Variants in PDE4D observed in about 807,000 individuals in gnomAD.
The protein encoded by PDE4D is 3',5'-cyclic-AMP phosphodiesterase 4D.
PDE4D carries 24 observed loss-of-function variants against 87.4 expected under a neutral mutation model. The observed-to-expected ratio is 0.27, with a 90% CI of 0.20 to 0.39. The LOEUF is 0.39. Among genes scored for constraint, PDE4D ranks in the 10% least tolerant of loss-of-function variants. The pLI, the probability that PDE4D is intolerant of heterozygous loss-of-function variation, is 1.00. For synonymous variants in PDE4D, 384 were observed against 383.2 expected (o/e 1.00, Z -0.02); for missense variants, 714 against 1,041.0 (o/e 0.69, Z 4.32).
At chr5:60,404,499 A>G (rs532649295) in intron 1 of PDE4D, among the ~76,000 whole-genome samples, 1 of 152,332 alleles carries the variant, frequency 6.6e-6, no homozygotes, top group African/African-American at 2.4e-5. Flanking sequence ...CAAGAGTAGA[A>G]TTTCTGTGAT....
intron 3 of PDE4D, among the ~76,000 whole-genome samples, chr5:59,927,562 G>T (rs1755428601): frequency 6.6e-6 from 1 of 152,192 alleles, no homozygotes. Flanking sequence ...CCATTAACAA[G>T]AAATCTTGGA....
At chr5:59,786,644 A>G (rs1045138051) in intron 1 of PDE4D, among the ~76,000 whole-genome samples, 2 of 152,246 alleles carry the variant, frequency 1.3e-5, no homozygotes, top group Admixed American at 6.5e-5. Flanking sequence ...TCTCATTGCC[A>G]TGACTATGAA....
At chr5:59,338,457 C>A (rs1462142986) in intron 1 of PDE4D, among the ~76,000 whole-genome samples, 2 of 152,164 alleles carry the variant, frequency 1.3e-5, no homozygotes, top group Non-Finnish European at 2.9e-5. Flanking sequence ...ATCTCATATT[C>A]TTGTTTAGTG....
intron 1 of PDE4D, among the ~76,000 whole-genome samples, chr5:59,880,128 G>T (rs1216184419): frequency 2.6e-5 from 4 of 151,788 alleles, no homozygotes; most frequent in South Asian, 2.1e-4. Flanking sequence ...TTTGAGACAG[G>T]TCTCACTCTT....
At chr5:60,298,710 G>A (rs1753632242) in intron 1 of PDE4D, among the ~76,000 whole-genome samples, 1 of 152,034 alleles carries the variant, frequency 6.6e-6, no homozygotes, top group African/African-American at 2.4e-5. Context: ...ATTCAATTAT[G>A]TTTTCCTGTC....
At chr5:59,866,151 A>G (rs1561787540) in intron 1 of PDE4D, among the ~76,000 whole-genome samples, 2 of 152,160 alleles carry the variant, frequency 1.3e-5, no homozygotes, top group Non-Finnish European at 2.9e-5. Flanking sequence ...AGTTTTCAGT[A>G]AGCAATGACA....
chr5:59,703,347 C>CT (rs1752888186), intron 1 of PDE4D, among the ~76,000 whole-genome samples: 1 of 152,084 alleles, frequency 6.6e-6, no homozygotes, highest in Non-Finnish European at 1.5e-5. Context: ...ATTTTTAAAA[C>CT]TTTTTATTAT....
chr5:59,946,212 G>A (rs943812276), intron 3 of PDE4D, among the ~76,000 whole-genome samples: 2 of 152,210 alleles, frequency 1.3e-5, no homozygotes, highest in Non-Finnish European at 2.9e-5. Context: ...TGCCACCCAA[G>A]TGCTGAGACT....
At chr5:60,243,181 A>T (rs776629665) in intron 1 of PDE4D, among the ~76,000 whole-genome samples, 1 of 152,074 alleles carries the variant, frequency 6.6e-6, no homozygotes, top group Non-Finnish European at 1.5e-5. Context: ...GTTAGTGGCT[A>T]CTATGAGCAA....
chr5:60,509,666 T>C (rs999043153), intron 1 of PDE4D, among the ~76,000 whole-genome samples: 1 of 152,206 alleles, frequency 6.6e-6, no homozygotes, highest in African/African-American at 2.4e-5. Context: ...ACTTCTGGCC[T>C]TGCATGCCCA....
chr5:60,292,325 C>T (rs1752967572), intron 1 of PDE4D, among the ~76,000 whole-genome samples: 1 of 152,192 alleles, frequency 6.6e-6, no homozygotes, highest in South Asian at 2.1e-4. Context: ...AGCCTGTCTT[C>T]ACTGTATACA....
intron 1 of PDE4D, among the ~76,000 whole-genome samples, chr5:59,246,435 T>C (rs1291776842): frequency 2.6e-5 from 4 of 152,162 alleles, no homozygotes; most frequent in Non-Finnish European, 5.9e-5. Context: ...TTCATTATCC[T>C]AATAAAAACA....
At chr5:60,305,038 T>TACACACACACACAC (rs35539982) in intron 1 of PDE4D, among the ~76,000 whole-genome samples, 1 of 135,846 alleles carries the variant, frequency 7.4e-6, no homozygotes, top group Non-Finnish European at 1.7e-5. Flanking sequence ...TTTTGAGCTA[T>TACACACACACACAC]ACACACACAC....
At chr5:58,980,635 GAAGGC>G (rs1387415064) in intron 11 of PDE4D, among the ~76,000 whole-genome samples, 3 of 148,236 alleles carry the variant, frequency 2.0e-5, no homozygotes, top group Non-Finnish European at 4.5e-5. Flanking sequence ...TGCTACTACT[GAAGGC>G]AGGAAGACCA....
chr5:59,324,578 C>G (rs890115475), intron 1 of PDE4D, among the ~76,000 whole-genome samples: 1 of 152,130 alleles, frequency 6.6e-6, no homozygotes, highest in African/African-American at 2.4e-5. Flanking sequence ...AGAAGATCCT[C>G]TTTTCTGACT....
intron 1 of PDE4D, among the ~76,000 whole-genome samples, chr5:59,400,926 A>G (rs557890760): frequency 4.6e-5 from 7 of 152,272 alleles, no homozygotes; most frequent in East Asian, 1.9e-4. Context: ...GCATGTATGC[A>G]TATATACAGG....
chr5:59,079,883 A>AGGAGAGGAGAGGAGAGGAGC (rs1441650894), intron 5 of PDE4D, among the ~76,000 whole-genome samples: 2 of 102,116 alleles, frequency 2.0e-5, no homozygotes, highest in Non-Finnish European at 2.1e-5. Flanking sequence ...AGGAGAGGAG[A>AGGAGAGGAGAGGAGAGGAGC]AGGGGAATGG....
intron 1 of PDE4D, among the ~76,000 whole-genome samples, chr5:60,376,338 T>C (rs1303578547): frequency 6.6e-6 from 1 of 152,092 alleles, no homozygotes; most frequent in African/African-American, 2.4e-5. Context: ...AGAAAAGTAA[T>C]GGCTCAGAGC....
At chr5:59,517,927 CAGA>C (rs2153671642) in intron 1 of PDE4D, among the ~76,000 whole-genome samples, 1 of 152,212 alleles carries the variant, frequency 6.6e-6, no homozygotes, top group South Asian at 2.1e-4. Context: ...ATTTATAAAA[CAGA>C]AGAACAAAGA....
Sources: gnomAD v4.1 joint callset for allele counts (sites outside exome capture counted in the v4.1 genomes callset) on GRCh38, gnomAD v4.1.1 for gene constraint, MANE v1.5 for transcripts, NCBI Gene and HGNC (gene_info 2026-07-23, HGNC 2026-07-21) for gene names.